Variants in MYH4 observed in about 807,000 individuals in gnomAD.
The protein encoded by MYH4 is myosin-4.
A neutral mutation model predicts 229.9 loss-of-function variants in MYH4; 200 were observed. That is an observed-to-expected ratio of 0.87 (90% CI 0.78 to 0.98). The LOEUF (loss-of-function observed/expected upper bound fraction) is 0.98. Among genes scored for constraint, MYH4 ranks in the 50% least tolerant of loss-of-function variants. MYH4 has a pLI of 0.00. For missense variants in MYH4, 2,148 were observed against 2,332.6 expected, an observed-to-expected ratio of 0.92 and a Z score of 1.63; for synonymous variants, 761 against 834.6, an observed-to-expected ratio of 0.91 and a Z score of 1.52.
intron 15 of MYH4, 87 bp downstream of exon 15, chr17:10,459,164 G>C (rs892551659): frequency 6.2e-7 from 1 of 1,603,854 alleles, no homozygotes; most frequent in Admixed American, 1.7e-5. Flanking sequence ...AGCACTGCTT[G>C]TTCTTTGAGA....
intron 27 of MYH4, among the ~76,000 whole-genome samples, chr17:10,451,678 G>A (rs963232597): frequency 1.3e-5 from 2 of 152,066 alleles, no homozygotes; most frequent in Admixed American, 6.5e-5. Flanking sequence ...TTTAAATTCT[G>A]CATCATTTAG....
rs748181006 is a variant in MYH4, at chr17:10,457,458, A to G, written c.1859T>C (p.Leu620Pro). Residue 620 changes from leucine (L) to proline (P), a missense_variant, in exon 16 of 40, where the codon CTG (leucine) becomes CCG (proline). Coordinates refer to ENST00000255381, the MANE Select transcript of MYH4 (RefSeq NM_017533.2). ...GLYQKSAMKT[L>P]AFLFSGAQTA... ...TTGTGCCCCAGAGAAGAGGAAAGCCAGAGTCTTCATTGCAGACTTCTGGTA... is the reference window on the plus strand; with the variant it reads ...TTGTGCCCCAGAGAAGAGGAAAGCCGGAGTCTTCATTGCAGACTTCTGGTA... 12 of 1,612,364 alleles carry G rather than the reference A, an allele frequency of 7.4e-6. 1 individual carries two copies. The Admixed American group carries it at 1.3e-4, about 18-fold the overall frequency.
At chr17:10,459,055 A>C (rs1213394895) in intron 15 of MYH4, among the ~76,000 whole-genome samples, 196 bp downstream of exon 15, 1 of 152,194 alleles carries the variant, frequency 6.6e-6, no homozygotes, top group Non-Finnish European at 1.5e-5. Flanking sequence ...TATGTGTGTG[A>C]GTGATAAACA....
In MYH4 at chr17:10,452,127, C is replaced by T. The variant is rs949287079; in HGVS notation, c.3552G>A (p.Glu1184=). ...EFQKMRRDLE[E]STLQHEATAA... ...CCGTGGCTTCGTGCTGCAGGGTGGACTCTTCCAGGTCCCTGCGCATTTTCT... is the reference window on the plus strand; with the variant it reads ...CCGTGGCTTCGTGCTGCAGGGTGGATTCTTCCAGGTCCCTGCGCATTTTCT... The change falls in exon 27 of 40, where the codon GAG becomes GAA. Residue 1184 remains glutamate (E), a synonymous_variant. Transcript: ENST00000255381. 1 of 1,613,960 alleles carries T rather than the reference C, an allele frequency of 6.2e-7. No individual in the cohort carries two copies. Among genetic ancestry groups the T allele is most frequent in the Non-Finnish European group, 8.5e-7 (1 of 1,180,022 alleles).
chr17:10,468,604 G>T (rs2072790883), intron 2 of MYH4, among the ~76,000 whole-genome samples: 1 of 152,184 alleles, frequency 6.6e-6, no homozygotes, highest in Admixed American at 6.5e-5. Flanking sequence ...GATTCCATTA[G>T]TTTTGATTCT....
rs764733561 is a variant in MYH4 at position 10,444,618 on chromosome 17, G to A, written c.5653C>T (p.Gln1885Ter). ...LQTKVKAYKR[Q>*]AEEAEEQSNV... ...GAGATACTCACAGCCTCTTCAGCTTGTCTCTTGTAAGCTTTGACTTTGGTT... is the reference window on the plus strand; with the variant it reads ...GAGATACTCACAGCCTCTTCAGCTTATCTCTTGTAAGCTTTGACTTTGGTT... The change falls in exon 39 of 40, where the codon CAA becomes TAA. Residue 1885 changes from glutamine to a stop codon, truncating the protein, a stop_gained. Coordinates refer to ENST00000255381, the MANE Select transcript of MYH4 (RefSeq NM_017533.2). LOFTEE classifies it high-confidence loss of function. 6.2e-7 allele frequency: 1 copy of A among 1,613,710 alleles called. No homozygotes were observed. Among genetic ancestry groups the A allele is most frequent in the Non-Finnish European group, 8.5e-7 (1 of 1,179,800 alleles).
chr17:10,443,654 CT>C lies in MYH4; in HGVS notation c.5668-128del. 1.0e-6 allele frequency: 1 copy of C among 988,654 alleles called. No homozygotes were observed. The highest frequency in any genetic ancestry group is 2.6e-5 in the East Asian group (1 of 38,506). 61.2% of individuals were successfully genotyped at this position (988,654 alleles called of 1,614,324 possible). On this transcript the variant is annotated intron_variant, in intron 39 of 39. Transcript: ENST00000255381. The surrounding 1 kb of genome is among the most constrained non-coding windows in gnomAD (Gnocchi z 4.6). ...AGGCTCCGTTGTCCAGGCATGGTGG[CT>C]CACACCTGTAATCCCAGCACTCTGG...
At position 10,450,846 on chromosome 17, in the gene MYH4, T is replaced by G. The variant is rs1307981330; in HGVS notation, c.3915A>C (p.Leu1305=). ...LDEKDAMVSQ[L]SRGKQAFTQQ... Reference sequence around the variant, plus strand: ...GTGTAAATGCTTGTTTGCCTCGGGATAGCTGAGAAACCATAGCATCTTTTT... The same window carrying G: ...GTGTAAATGCTTGTTTGCCTCGGGAGAGCTGAGAAACCATAGCATCTTTTT... The change falls in exon 29 of 40, where the codon CTA becomes CTC. Residue 1305 remains leucine, a synonymous_variant. Transcript: ENST00000255381. 2.5e-6 allele frequency: 4 copies of G among 1,614,170 alleles called. No individual in the cohort carries two copies. Among genetic ancestry groups the G allele is most frequent in the Non-Finnish European group, 2.5e-6 (3 of 1,180,016 alleles).
chr17:10,447,154 T>C lies in MYH4; in HGVS notation c.5028A>G (p.Ala1676=). 6.2e-7 allele frequency: 1 copy of C among 1,614,148 alleles called. No individual in the cohort carries two copies. The highest frequency in any genetic ancestry group is 8.5e-7 in the Non-Finnish European group (1 of 1,180,012). Residue 1676 remains alanine, a synonymous_variant, in exon 35 of 40, where the codon GCA becomes GCG. Transcript: ENST00000255381. ...TCAGGTTAGCTCTGCGCTCAACCAT[T>C]GCCAGTTGTTCCTTAAGGTCATCTT... ...RGQDDLKEQL[A]MVERRANLMQ...
At chr17:10,449,261 C>T (rs1033012388) in intron 30 of MYH4, among the ~76,000 whole-genome samples, 12 of 151,898 alleles carry the variant, frequency 7.9e-5, no homozygotes, top group East Asian at 3.9e-4. Flanking sequence ...TTACGAAGCA[C>T]CTGTGTGTGT....
intron 4 of MYH4, 84 bp downstream of exon 4, chr17:10,466,189 A>G: frequency 6.7e-7 from 1 of 1,490,222 alleles, no homozygotes. Flanking sequence ...TCAATAGCCA[A>G]ATGTATTGAA....
At chr17:10,462,135 C>T (rs911171943) in intron 11 of MYH4, among the ~76,000 whole-genome samples, 4 of 152,186 alleles carry the variant, frequency 2.6e-5, no homozygotes, top group Non-Finnish European at 5.9e-5. Flanking sequence ...TTTGCAAGCA[C>T]TGTCAACTCT....
chr17:10,445,201 G>A (rs573140801), intron 36 of MYH4, 36 bp downstream of exon 36: 99 of 1,614,050 alleles, frequency 6.1e-5, no homozygotes, highest in Non-Finnish European at 8.2e-5. Flanking sequence ...CAGGCAGCAT[G>A]CATGTGTCAG....
chr17:10,444,197 T>G (rs2072486085), intron 39 of MYH4, among the ~76,000 whole-genome samples: 1 of 152,080 alleles, frequency 6.6e-6, no homozygotes, highest in Non-Finnish European at 1.5e-5. Flanking sequence ...GGTTTCAGAA[T>G]TAACAGAATG....
At position 10,453,817 on chromosome 17, in the gene MYH4, C is replaced by T. The variant is rs1013328773; in HGVS notation, c.2760G>A (p.Glu920=). ...TTTCAGTTACCTCTTTGATTTTGGC[C>T]TCAAGTTGGATTTTGGTTTTAATCA... ...DQLIKTKIQL[E]AKIKEVTERA... Residue 920 remains glutamate, a synonymous_variant, in exon 23 of 40, where the codon GAG becomes GAA. Transcript: ENST00000255381. 1.9e-6 allele frequency: 3 copies of T among 1,613,960 alleles called. No individual in the cohort carries two copies. The highest frequency in any genetic ancestry group is 2.5e-6 in the Non-Finnish European group (3 of 1,180,014).
intron 12 of MYH4, 34 bp from the exon 13 acceptor site, chr17:10,460,355 C>T (rs753551631): frequency 6.9e-7 from 1 of 1,442,448 alleles, no homozygotes; most frequent in South Asian, 1.2e-5. Context: ...TGAAACTGAC[C>T]ATGGCTTACA....
Position 10,448,786 on chromosome 17 carries a change from G to T in MYH4, c.4366-3C>A. ...TTCTGTTTCCATTCTGCCAGAACCTGGAAGTATATAGAAAATAAGCCTTTG... is the reference window on the plus strand; with the variant it reads ...TTCTGTTTCCATTCTGCCAGAACCTTGAAGTATATAGAAAATAAGCCTTTG... On this transcript the variant is annotated splice_region_variant and splice_polypyrimidine_tract_variant and intron_variant, in intron 31 of 39. Coordinates refer to ENST00000255381, the MANE Select transcript of MYH4 (RefSeq NM_017533.2). 6.2e-7 allele frequency: 1 copy of T among 1,612,888 alleles called. No homozygotes were observed. The highest frequency in any genetic ancestry group is 8.5e-7 in the Non-Finnish European group (1 of 1,179,906).
intron 28 of MYH4, 50 bp downstream of exon 28, chr17:10,451,276 T>G: frequency 6.3e-7 from 1 of 1,598,114 alleles, no homozygotes; most frequent in Non-Finnish European, 8.5e-7. Flanking sequence ...GGTAAAGGCT[T>G]GTCTTTCATT....
rs769015431 is a variant in MYH4, at chr17:10,447,187, G to T, written c.4995C>A (p.Ile1665=). The T allele has an allele frequency of 7.4e-6, 12 of 1,613,970 alleles. No homozygotes were observed. In the South Asian group the frequency reaches 1.3e-4, roughly 18 times the overall value. The part of the protein sequence containing the change: ...KDTQLHLDDA[I]RGQDDLKEQL... ...GTTCCTTAAGGTCATCTTGGCCTCT[G>T]ATGGCATCATCCAAATGTAGCTGAG... Residue 1665 remains isoleucine (I), a synonymous_variant, in exon 35 of 40, where the codon ATC becomes ATA. Coordinates refer to ENST00000255381, the MANE Select transcript of MYH4 (RefSeq NM_017533.2).
Sources: allele counts gnomAD v4.1 joint callset (sites outside exome capture counted in the v4.1 genomes callset), GRCh38; gene constraint gnomAD v4.1.1; non-coding constraint Gnocchi (gnomAD v3.1); transcripts MANE v1.5; gene names NCBI Gene and HGNC (gene_info 2026-07-23, HGNC 2026-07-21).